Variants in TNFRSF10C observed in about 807,000 individuals in gnomAD.
TNFRSF10C encodes the protein TNF receptor superfamily member 10c.
Under a neutral mutation model 16.7 loss-of-function variants are expected in TNFRSF10C, and 17 were observed. The observed-to-expected ratio is 1.02, with a 90% CI of 0.70 to 1.53. The LOEUF (loss-of-function observed/expected upper bound fraction) is 1.53. TNFRSF10C is among the 40% of genes most tolerant of loss of function. The probability of loss-of-function intolerance (pLI) is 0.00; values close to 1 mark genes in which losing one functional copy is unlikely to be tolerated. For synonymous variants in TNFRSF10C, 73 were observed against 119.7 expected, an observed-to-expected ratio of 0.61 and a Z score of 2.55; for missense variants, 237 against 329.7, an observed-to-expected ratio of 0.72 and a Z score of 2.18.
At chr8:23,111,548 C>T (rs902031708) in intron 1 of TNFRSF10C, among the ~76,000 whole-genome samples, 172 bp from the exon 2 acceptor site, 1 of 151,816 alleles carries the variant, frequency 6.6e-6, no homozygotes, top group Non-Finnish European at 1.5e-5. Context: ...AAATAGCTGG[C>T]CCTAACAGGC....
At position 23,103,092 on chromosome 8, in the gene TNFRSF10C, A is replaced by C. The variant is rs751935806; in HGVS notation, c.-30A>C. 6.2e-7 allele frequency: 1 copy of C among 1,604,860 alleles called. No individual in the cohort carries two copies. The highest frequency in any genetic ancestry group is 2.2e-5 in the East Asian group (1 of 44,572). ...TGATGGCCGAGGCAGGGTGCGACCC[A>C]GGACCCAGGACGGCGTCGGGAACCA... On this transcript the variant is annotated 5_prime_UTR_variant, in exon 1 of 5. Transcript: ENST00000356864.
Position 23,117,114 on chromosome 8 carries a change from C to G in TNFRSF10C, c.*83C>G. 6.5e-7 allele frequency: 1 copy of G among 1,549,860 alleles called. No individual in the cohort carries two copies. The highest frequency in any genetic ancestry group is 8.7e-7 in the Non-Finnish European group (1 of 1,151,148). On this transcript the variant is annotated 3_prime_UTR_variant, in exon 5 of 5. Coordinates refer to ENST00000356864, the MANE Select transcript of TNFRSF10C (RefSeq NM_003841.5). ...CTGAGGGCGGGGGGCGCTGGACACT[C>G]TCTGCCCTGCCTCCCTCTGCTGTGT...
In TNFRSF10C at chr8:23,117,028, T is replaced by C. The variant is rs762137895; in HGVS notation, c.777T>C (p.Val259=). 1.1e-5 allele frequency: 18 copies of C among 1,613,196 alleles called. No homozygotes were observed. The highest frequency in any genetic ancestry group is 1.4e-5 in the Non-Finnish European group (17 of 1,179,464). ...IVLIVLLIVF[V] is the part of the protein sequence containing the mutation. Reference sequence around the variant, plus strand: ...TAATTGTGCTTCTGATTGTGTTTGTTTGAAAGACTTCACTGTGGAAGAAAT... The same window carrying C: ...TAATTGTGCTTCTGATTGTGTTTGTCTGAAAGACTTCACTGTGGAAGAAAT... The change falls in exon 5 of 5, where the codon GTT becomes GTC. Residue 259 remains valine, a synonymous_variant. Coordinates refer to ENST00000356864, the MANE Select transcript of TNFRSF10C (RefSeq NM_003841.5).
intron 1 of TNFRSF10C, among the ~76,000 whole-genome samples, chr8:23,104,877 C>T (rs558599596): frequency 3.3e-5 from 5 of 152,266 alleles, no homozygotes; most frequent in Middle Eastern, 3.4e-3. Context: ...CTGAGCTGTG[C>T]ACTTGGAAAA....
Position 23,103,109 on chromosome 8 carries a change from C to CCT in TNFRSF10C, c.-13_-12insCT. Reference sequence around the variant, plus strand: ...TGCGACCCAGGACCCAGGACGGCGTCGGGAACCATACCATGGCCCGGATCC... The same window carrying CCT: ...TGCGACCCAGGACCCAGGACGGCGTCCTGGGAACCATACCATGGCCCGGATCC... On this transcript the variant is annotated 5_prime_UTR_variant, in exon 1 of 5. Coordinates refer to ENST00000356864, the MANE Select transcript of TNFRSF10C (RefSeq NM_003841.5). The CCT allele has an allele frequency of 6.2e-7, 1 of 1,609,582 alleles. No homozygotes were observed. Among genetic ancestry groups the CCT allele is most frequent in the South Asian group, 1.1e-5 (1 of 89,926 alleles).
chr8:23,108,485 G>C (rs1813819090), intron 1 of TNFRSF10C, among the ~76,000 whole-genome samples: 1 of 152,156 alleles, frequency 6.6e-6, no homozygotes, highest in East Asian at 1.9e-4. Context: ...GTCAGAAGCG[G>C]GGACCCCTCT....
In TNFRSF10C at chr8:23,114,703, G is replaced by T; in HGVS notation, c.213G>T (p.Glu71Asp). 1 of 1,614,098 alleles carries T rather than the reference G, an allele frequency of 6.2e-7. No individual in the cohort carries two copies. The highest frequency in any genetic ancestry group is 1.1e-5 in the South Asian group (1 of 91,078). The change falls in exon 3 of 5, where the codon GAG becomes GAT. Residue 71 changes from glutamate to aspartate, a missense_variant. Transcript: ENST00000356864. ...EHTGACNPCT[E>D]GVDYTNASNN... ...CTGGAGCCTGTAACCCGTGCACAGA[G>T]GGTGTGGATTACACCAACGCTTCCA... is the stretch of plus-strand genomic sequence containing the variant.
chr8:23,109,642 A>T (rs1046364538), intron 1 of TNFRSF10C, among the ~76,000 whole-genome samples: 1 of 152,060 alleles, frequency 6.6e-6, no homozygotes, highest in Admixed American at 6.6e-5. Flanking sequence ...CTCAAAAAAA[A>T]AAAAGAAAAA....
chr8:23,114,830 G>T (rs201942574), intron 3 of TNFRSF10C, 60 bp downstream of exon 3: 266 of 1,459,462 alleles, frequency 1.8e-4, no homozygotes, highest in Middle Eastern at 5.2e-4. Flanking sequence ...GGTGGGAGTT[G>T]TAGCCGATAT....
chr8:23,105,850 A>G (rs1482779651), intron 1 of TNFRSF10C, among the ~76,000 whole-genome samples: 1 of 152,164 alleles, frequency 6.6e-6, no homozygotes, highest in Non-Finnish European at 1.5e-5. Context: ...ATTTCCTAAC[A>G]ACCCGGGGAG....
chr8:23,115,434 G>A (rs1813961624), intron 3 of TNFRSF10C, 74 bp from the exon 4 acceptor site: 6 of 1,294,898 alleles, frequency 4.6e-6, no homozygotes, highest in Non-Finnish European at 6.6e-6. Flanking sequence ...CTGAGTGGGA[G>A]GGGGTGGGTG....
At chr8:23,103,696 C>T (rs1397398066) in intron 1 of TNFRSF10C, 1 of 176,788 alleles carries the variant, frequency 5.7e-6, no homozygotes, top group Non-Finnish European at 1.2e-5. Flanking sequence ...AAGGTGCTGC[C>T]TTGGTTAATG....
At chr8:23,107,135 G>A (rs1196649207) in intron 1 of TNFRSF10C, among the ~76,000 whole-genome samples, 5 of 152,064 alleles carry the variant, frequency 3.3e-5, no homozygotes, top group African/African-American at 1.2e-4. Context: ...TTGAGCCCAG[G>A]AGTTCAAGAC....
Position 23,114,779 on chromosome 8 carries a change from T to C in TNFRSF10C, c.280+9T>C. 1 of 1,609,844 alleles carries C rather than the reference T, an allele frequency of 6.2e-7. No individual in the cohort carries two copies. The highest frequency in any genetic ancestry group is 8.5e-7 in the Non-Finnish European group (1 of 1,176,174). ...TACAGTTTGTAAATCAGGTACAGAATGTGTGGACCTCTTGTCCAGAGGTGG... is the reference window on the plus strand; with the variant it reads ...TACAGTTTGTAAATCAGGTACAGAACGTGTGGACCTCTTGTCCAGAGGTGG... On this transcript the variant is annotated intron_variant, in intron 3 of 4. Coordinates refer to ENST00000356864, the MANE Select transcript of TNFRSF10C (RefSeq NM_003841.5).
chr8:23,106,621 A>G (rs564216865), intron 1 of TNFRSF10C, among the ~76,000 whole-genome samples: 1 of 152,360 alleles, frequency 6.6e-6, no homozygotes, highest in Admixed American at 6.5e-5. Context: ...GGAGCTAAAA[A>G]GATGAGAGTG....
intron 1 of TNFRSF10C, among the ~76,000 whole-genome samples, chr8:23,109,354 T>C (rs1241431258): frequency 1.3e-5 from 2 of 152,054 alleles, no homozygotes; most frequent in Non-Finnish European, 2.9e-5. Flanking sequence ...GTGAAAATTA[T>C]GGGCCGGGCA....
rs770978278 is a variant in TNFRSF10C, at chr8:23,115,617, G to A, written c.389+1G>A. On this transcript the variant is annotated splice_donor_variant, in intron 4 of 4. Transcript: ENST00000356864. LOFTEE classifies it high-confidence loss of function. ...CAGAGATGTGCCGGAAGTGTAGCAG[G>A]TGAGACAGCAGTCAGGGGCTCCTGA... The A allele has an allele frequency of 6.8e-6, 11 of 1,612,362 alleles. No individual in the cohort carries two copies. The Admixed American group carries it at 1.7e-4, about 24-fold the overall frequency.
At position 23,103,079 on chromosome 8, in the gene TNFRSF10C, C is replaced by T. The variant is rs763298362; in HGVS notation, c.-43C>T. On this transcript the variant is annotated 5_prime_UTR_variant, in exon 1 of 5. Coordinates refer to ENST00000356864, the MANE Select transcript of TNFRSF10C (RefSeq NM_003841.5). ...CGCCCCGGCCGCCTGATGGCCGAGG[C>T]AGGGTGCGACCCAGGACCCAGGACG... The T allele has an allele frequency of 1.6e-5, 26 of 1,597,264 alleles. No homozygotes were observed. The highest frequency in any genetic ancestry group is 2.1e-5 in the Non-Finnish European group (25 of 1,172,684).
intron 1 of TNFRSF10C, among the ~76,000 whole-genome samples, chr8:23,105,881 C>G (rs557692765): frequency 6.6e-6 from 1 of 152,178 alleles, no homozygotes; most frequent in East Asian, 1.9e-4. Flanking sequence ...GTTGTTTTTC[C>G]TGTTTTACAA....
Sources: allele counts gnomAD v4.1 joint callset (sites outside exome capture counted in the v4.1 genomes callset), GRCh38; gene constraint gnomAD v4.1.1; transcripts MANE v1.5; gene names NCBI Gene and HGNC (gene_info 2026-07-23, HGNC 2026-07-21).